Variants in GRM7 observed in about 807,000 individuals in gnomAD.
GRM7 encodes glutamate metabotropic receptor 7.
Under a neutral mutation model 84.5 loss-of-function variants are expected in GRM7, and 35 were observed. That is an observed-to-expected ratio of 0.41 (90% confidence interval 0.32 to 0.55). The LOEUF is 0.55. Among genes scored for constraint, GRM7 ranks in the 20% least tolerant of loss-of-function variants. The pLI is 0.19. For synonymous variants in GRM7, 487 were observed against 455.1 expected (o/e 1.07, Z -0.89); for missense variants, 1,003 against 1,194.6 (o/e 0.84, Z 2.36).
chr3:7,221,382 C>T (rs73126289), intron 2 of GRM7, among the ~76,000 whole-genome samples: 18,896 of 152,138 alleles, frequency 0.12, 1,278 homozygotes, highest in Non-Finnish European at 0.15. Flanking sequence ...TTTCTTTCAA[C>T]TCTCAAACCT....
At chr3:7,589,605 C>A (rs1055488270) in intron 8 of GRM7, among the ~76,000 whole-genome samples, 5 of 152,070 alleles carry the variant, frequency 3.3e-5, no homozygotes, top group Non-Finnish European at 7.4e-5. Flanking sequence ...CATATTATTC[C>A]AGGGTTGAGA....
intron 2 of GRM7, among the ~76,000 whole-genome samples, chr3:7,287,642 A>G (rs1169702884): frequency 6.6e-6 from 1 of 152,108 alleles, no homozygotes; most frequent in African/African-American, 2.4e-5. Context: ...AGAGTGACAC[A>G]TTTTTTTAAG....
At chr3:7,668,128 C>A (rs906220252) in intron 8 of GRM7, among the ~76,000 whole-genome samples, 13 of 152,250 alleles carry the variant, frequency 8.5e-5, no homozygotes, top group African/African-American at 3.1e-4. Context: ...TAGGTGGCCA[C>A]CCTCAGGACA....
chr3:7,715,712 G>A (rs537143747), intron 9 of GRM7, among the ~76,000 whole-genome samples: 1 of 152,110 alleles, frequency 6.6e-6, no homozygotes, highest in South Asian at 2.1e-4. Context: ...CACAGAACAG[G>A]GATTCAGACC....
At chr3:6,886,774 C>CAATAATAAT (rs146018985) in intron 1 of GRM7, among the ~76,000 whole-genome samples, 74 of 149,702 alleles carry the variant, frequency 4.9e-4, no homozygotes, top group East Asian at 4.9e-3. Context: ...TGGTCAGTAA[C>CAATAATAAT]AATAATAATA....
intron 2 of GRM7, among the ~76,000 whole-genome samples, chr3:7,239,787 C>A (rs1201933190): frequency 6.6e-6 from 1 of 152,150 alleles, no homozygotes; most frequent in Admixed American, 6.5e-5. Flanking sequence ...GAGTTAAGGC[C>A]TTGTGCTCCT....
intron 7 of GRM7, among the ~76,000 whole-genome samples, chr3:7,569,604 G>A (rs375194736): frequency 1.3e-5 from 2 of 152,036 alleles, no homozygotes; most frequent in African/African-American, 2.4e-5. Flanking sequence ...TTGTTCTTTC[G>A]CTCTTTGCAA....
intron 4 of GRM7, among the ~76,000 whole-genome samples, chr3:7,360,812 C>A (rs904593087): frequency 5.9e-5 from 9 of 152,084 alleles, no homozygotes; most frequent in African/African-American, 2.2e-4. Flanking sequence ...CTGAGTTGAA[C>A]TAAATCATTA....
chr3:7,281,844 G>A (rs1699260595), intron 2 of GRM7, among the ~76,000 whole-genome samples: 1 of 152,226 alleles, frequency 6.6e-6, no homozygotes, highest in Non-Finnish European at 1.5e-5. Flanking sequence ...ACTTTGGGAG[G>A]CCAAGGCGGA....
chr3:7,388,635 G>A (rs1232356603), intron 4 of GRM7, among the ~76,000 whole-genome samples: 3 of 151,758 alleles, frequency 2.0e-5, no homozygotes, highest in South Asian at 2.1e-4. Context: ...TGATCTGTTC[G>A]GGATTTCTGT....
intron 2 of GRM7, among the ~76,000 whole-genome samples, chr3:7,187,511 C>T (rs932206464): frequency 1.3e-5 from 2 of 152,144 alleles, no homozygotes; most frequent in African/African-American, 2.4e-5. Flanking sequence ...AATTCAAGGG[C>T]AAGTCAGTGG....
chr3:7,019,167 G>T (rs1364612865), intron 1 of GRM7, among the ~76,000 whole-genome samples: 2 of 152,154 alleles, frequency 1.3e-5, no homozygotes, highest in Admixed American at 1.3e-4. Context: ...TGCATGAATT[G>T]TCACAATTTT....
chr3:7,091,071 T>G (rs1698646465), intron 1 of GRM7, among the ~76,000 whole-genome samples: 1 of 152,188 alleles, frequency 6.6e-6, no homozygotes, highest in Non-Finnish European at 1.5e-5. Context: ...TCCTATACTT[T>G]CTACTTTGGA....
intron 7 of GRM7, among the ~76,000 whole-genome samples, chr3:7,511,931 C>T (rs1303563207): frequency 1.3e-5 from 2 of 151,990 alleles, no homozygotes; most frequent in Admixed American, 6.6e-5. Context: ...TATTTGAGGC[C>T]AGTAGTTTGA....
chr3:7,108,463 C>A (rs556211902), intron 1 of GRM7, among the ~76,000 whole-genome samples: 1 of 151,360 alleles, frequency 6.6e-6, no homozygotes, highest in African/African-American at 2.4e-5. Flanking sequence ...CTTGCTTCAA[C>A]TGTGACTTTA....
intron 4 of GRM7, among the ~76,000 whole-genome samples, chr3:7,381,174 G>T (rs954296974): frequency 1.3e-5 from 2 of 150,740 alleles, no homozygotes; most frequent in Non-Finnish European, 1.5e-5. Flanking sequence ...GTTTTTTTTT[G>T]ATGTTCAACT....
Position 6,862,618 on chromosome 3 carries a change from A to G in GRM7, c.519+711A>G. ...TCTAAATTACATGTGCGATCCGGCC[A>G]CTGGCCGGAGCTGGGCGATCAGCTT... On this transcript the variant is annotated intron_variant, in intron 1 of 9. Transcript: ENST00000357716. The surrounding 1 kb of genome is among the most constrained non-coding windows in gnomAD (Gnocchi z 5.2). The G allele has an allele frequency of 5.0e-6, 1 of 198,120 alleles. No individual in the cohort carries two copies. The allele number at this position is 198,120 out of a possible 1,614,324, so 12.3% of individuals were successfully genotyped here.
At position 7,486,647 on chromosome 3, in the gene GRM7, C is replaced by T. The variant is rs534821270; in HGVS notation, c.1515+24925C>T. ...ATGTTGACACAGCACAAGACCCTCCCCAGAAGCAGAGCAGATGTTGGCACC... is the reference window on the plus strand; with the variant it reads ...ATGTTGACACAGCACAAGACCCTCCTCAGAAGCAGAGCAGATGTTGGCACC... On this transcript the variant is annotated intron_variant, in intron 7 of 9. Coordinates refer to ENST00000357716, the MANE Select transcript of GRM7 (RefSeq NM_000844.4). This position sits in a 1 kb window ranked among gnomAD's most constrained non-coding sequence, Gnocchi z 5.5. Among the ~76,000 whole-genome samples, 1 of 152,304 alleles carries T rather than the reference C, an allele frequency of 6.6e-6. No individual in the cohort carries two copies. Among genetic ancestry groups the T allele is most frequent in the East Asian group, 1.9e-4 (1 of 5,184 alleles).
At chr3:7,198,099 T>C (rs1214212377) in intron 2 of GRM7, among the ~76,000 whole-genome samples, 1 of 151,598 alleles carries the variant, frequency 6.6e-6, no homozygotes, top group Non-Finnish European at 1.5e-5. Context: ...TCAAAACTGC[T>C]GTAGAATCAG....
Sources: allele counts gnomAD v4.1 joint callset (sites outside exome capture counted in the v4.1 genomes callset), GRCh38; gene constraint gnomAD v4.1.1; non-coding constraint Gnocchi (gnomAD v3.1); transcripts MANE v1.5; gene names NCBI Gene and HGNC (gene_info 2026-07-23, HGNC 2026-07-21).